The following TANGO6 variants were observed in gnomAD, a reference collection of about 807,000 sequenced individuals.
TANGO6 encodes the protein transport and Golgi organization protein 6 homolog.
Under a neutral mutation model 114.2 loss-of-function variants are expected in TANGO6, and 90 were observed. The ratio of observed to expected loss-of-function variants is 0.79; its 90% confidence interval spans 0.66 to 0.94. TANGO6 has a LOEUF of 0.94. Among genes scored for constraint, TANGO6 ranks in the 40% least tolerant of loss-of-function variants. The pLI, the probability that TANGO6 is intolerant of heterozygous loss-of-function variation, is 0.00. For synonymous variants in TANGO6, 477 were observed against 509.8 expected (o/e 0.94, Z 0.87); for missense variants, 1,274 against 1,315.3 (o/e 0.97, Z 0.49).
chr16:68,859,838 C>G (rs1326897343), intron 1 of TANGO6, 46 bp from the exon 2 acceptor site: 1 of 1,507,172 alleles, frequency 6.6e-7, no homozygotes, highest in East Asian at 2.3e-5. Flanking sequence ...GGAAGTGCAG[C>G]TTGTTTTCTA....
chr16:68,985,817 T>A lies in TANGO6; in HGVS notation c.2842+11649T>A, dbSNP rs78676848. 2.5e-3 allele frequency among the ~76,000 whole-genome samples: 374 copies of A among 152,350 alleles called. 6 individuals carry two copies. In the East Asian group the frequency reaches 0.068, roughly 28 times the overall value. On this transcript the variant is annotated intron_variant, in intron 15 of 17. Transcript: ENST00000261778. ...AGTGAATTAAACTGCTAATATCTCATAGAGAAAAACTATTTCATGGCTTCA... is the reference window on the plus strand; with the variant it reads ...AGTGAATTAAACTGCTAATATCTCAAAGAGAAAAACTATTTCATGGCTTCA...
chr16:69,011,098 A>G (rs1964138410), intron 15 of TANGO6, among the ~76,000 whole-genome samples: 1 of 152,202 alleles, frequency 6.6e-6, no homozygotes, highest in Admixed American at 6.5e-5. Context: ...GCTGTAAGTA[A>G]TCATTCGATT....
At chr16:69,015,443 G>A (rs1194505373) in intron 15 of TANGO6, among the ~76,000 whole-genome samples, 4 of 127,974 alleles carry the variant, frequency 3.1e-5, no homozygotes, top group Non-Finnish European at 7.2e-5. Context: ...GGAGCATGTA[G>A]TTTAACAGAT....
At chr16:69,014,654 G>A (rs906297772) in intron 15 of TANGO6, among the ~76,000 whole-genome samples, 1 of 152,056 alleles carries the variant, frequency 6.6e-6, no homozygotes, top group Non-Finnish European at 1.5e-5. Context: ...CAGCACTTTG[G>A]GAGTCTAAGG....
Position 69,083,516 on chromosome 16 carries a change from A to C in TANGO6, c.3140A>C (p.His1047Pro), listed in dbSNP as rs766937038. 1.2e-6 allele frequency: 2 copies of C among 1,612,458 alleles called. No homozygotes were observed. The highest frequency in any genetic ancestry group is 1.7e-6 in the Non-Finnish European group (2 of 1,179,304). ...AGCGCCGTCCTCAAGGATCTCTACC[A>C]CCTGCTGAAGCACGTAGTGTGTCTG... is the stretch of plus-strand genomic sequence containing the variant. ...VLSAVLKDLYHLLKHVVCLEP... is the reference protein window; with the variant it reads ...VLSAVLKDLYPLLKHVVCLEP... Residue 1047 changes from histidine to proline, a missense_variant, in exon 18 of 18, where the codon CAC becomes CCC. His to Pro is a moderately conservative substitution (Grantham distance 77, BLOSUM62 -2). Transcript: ENST00000261778.
rs1313053741 is a variant in TANGO6, at chr16:68,965,208, G to A, written c.2702-8820G>A. Among the ~76,000 whole-genome samples, 5 of 151,996 alleles carry A rather than the reference G, an allele frequency of 3.3e-5. No homozygotes were observed. The East Asian group carries it at 7.8e-4, about 24-fold the overall frequency. Reference sequence around the variant, plus strand: ...GGAGTCTCGCTCTGTCACCCAGGCTGGAGTGCAGTGGCACGATCTCAGCTC... The same window carrying A: ...GGAGTCTCGCTCTGTCACCCAGGCTAGAGTGCAGTGGCACGATCTCAGCTC... On this transcript the variant is annotated intron_variant, in intron 14 of 17. Coordinates refer to ENST00000261778, the MANE Select transcript of TANGO6 (RefSeq NM_024562.2).
chr16:68,912,850 C>T (rs1437908864), intron 11 of TANGO6, among the ~76,000 whole-genome samples: 1 of 146,654 alleles, frequency 6.8e-6, no homozygotes, highest in Non-Finnish European at 1.5e-5. Context: ...CCGAGGTGAG[C>T]GGAGCATTTG....
intron 17 of TANGO6, among the ~76,000 whole-genome samples, chr16:69,074,918 G>A (rs1465980859): frequency 6.6e-6 from 1 of 151,292 alleles, no homozygotes; most frequent in African/African-American, 2.4e-5. Flanking sequence ...CGCCATTCTT[G>A]GCTCACTGCA....
intron 5 of TANGO6, among the ~76,000 whole-genome samples, chr16:68,877,486 A>T (rs1397191736): frequency 1.3e-5 from 2 of 151,534 alleles, no homozygotes; most frequent in East Asian, 3.9e-4. Context: ...AAAAAAAAGG[A>T]AAAAGAAAAA....
chr16:68,844,462 G>C (rs1961772658), intron 1 of TANGO6, among the ~76,000 whole-genome samples: 2 of 152,104 alleles, frequency 1.3e-5, no homozygotes, highest in Admixed American at 1.3e-4. Context: ...GGAGCTTTTG[G>C]AAAGGACGTG....
intron 17 of TANGO6, among the ~76,000 whole-genome samples, chr16:69,060,467 T>C (rs2152239873): frequency 6.6e-6 from 1 of 152,204 alleles, no homozygotes; most frequent in South Asian, 2.1e-4. Flanking sequence ...TAGTGGTGCA[T>C]GCCTGTAGTC....
chr16:68,919,759 C>T (rs1451713058), intron 12 of TANGO6, among the ~76,000 whole-genome samples: 1 of 152,062 alleles, frequency 6.6e-6, no homozygotes, highest in African/African-American at 2.4e-5. Context: ...TACATATTGG[C>T]CGGGTGCGGT....
At chr16:68,925,490 C>G (rs1488923385) in intron 12 of TANGO6, among the ~76,000 whole-genome samples, 1 of 152,020 alleles carries the variant, frequency 6.6e-6, no homozygotes, top group African/African-American at 2.4e-5. Context: ...TTAAAGAGTT[C>G]TTTGTATATT....
intron 13 of TANGO6, 144 bp from the exon 14 acceptor site, chr16:68,930,094 C>A: frequency 1.6e-6 from 1 of 640,328 alleles, no homozygotes; most frequent in Non-Finnish European, 2.8e-6. Context: ...TATGCCATTT[C>A]CCCCACAAAA....
chr16:69,070,436 C>A (rs1185134040), intron 17 of TANGO6, among the ~76,000 whole-genome samples: 1 of 151,750 alleles, frequency 6.6e-6, no homozygotes, highest in African/African-American at 2.4e-5. Flanking sequence ...AGTTTAAGAC[C>A]AGCCTGGCCA....
intron 17 of TANGO6, among the ~76,000 whole-genome samples, chr16:69,055,377 AG>A (rs1408930751): frequency 6.6e-6 from 1 of 152,238 alleles, no homozygotes; most frequent in Non-Finnish European, 1.5e-5. Flanking sequence ...TTTCACCTTC[AG>A]TCCCCTGTCC....
chr16:69,027,026 C>G (rs1959513282), intron 16 of TANGO6, among the ~76,000 whole-genome samples: 1 of 152,124 alleles, frequency 6.6e-6, no homozygotes, highest in African/African-American at 2.4e-5. Flanking sequence ...CCATGCCCAG[C>G]TAATTTTTGT....
At chr16:69,013,608 C>A (rs1437443173) in intron 15 of TANGO6, among the ~76,000 whole-genome samples, 1 of 149,434 alleles carries the variant, frequency 6.7e-6, no homozygotes, top group Non-Finnish European at 1.5e-5. Context: ...CAGAACAAGA[C>A]CCTGTCTCCA....
intron 15 of TANGO6, among the ~76,000 whole-genome samples, chr16:69,010,344 C>T (rs539204028): frequency 6.6e-6 from 1 of 152,294 alleles, no homozygotes; most frequent in South Asian, 2.1e-4. Flanking sequence ...TTCTACTCCA[C>T]CAAGAATGTA....
Sources: gnomAD v4.1 joint callset for allele counts (sites outside exome capture counted in the v4.1 genomes callset) on GRCh38, gnomAD v4.1.1 for gene constraint, MANE v1.5 for transcripts, NCBI Gene and HGNC (gene_info 2026-07-23, HGNC 2026-07-21) for gene names.